HCN1: variants seen among roughly 807,000 people sequenced by gnomAD.
HCN1 encodes potassium/sodium hyperpolarization-activated cyclic nucleotide-gated channel 1.
Under a neutral mutation model 78.9 loss-of-function variants are expected in HCN1, and 13 were observed. The observed-to-expected ratio is 0.16, with a 90% CI of 0.11 to 0.26. HCN1 has a LOEUF of 0.26. Among genes scored for constraint, HCN1 ranks in the 10% least tolerant of loss-of-function variants. HCN1 has a pLI of 1.00. For missense variants in HCN1, 810 were observed against 1,154.3 expected, an observed-to-expected ratio of 0.70 and a Z score of 4.32; for synonymous variants, 552 against 455.5, an observed-to-expected ratio of 1.21 and a Z score of -2.70.
At chr5:45,335,927 G>T (rs1469786451) in intron 5 of HCN1, among the ~76,000 whole-genome samples, 1 of 152,036 alleles carries the variant, frequency 6.6e-6, no homozygotes, top group African/African-American at 2.4e-5. Context: ...GGGCCATCTG[G>T]TAATCGTGAT....
At chr5:45,496,662 G>C (rs1742039146) in intron 2 of HCN1, among the ~76,000 whole-genome samples, 2 of 152,194 alleles carry the variant, frequency 1.3e-5, no homozygotes, top group South Asian at 4.2e-4. Flanking sequence ...CCAGCTCCTG[G>C]ATTCATTAAT....
rs561494922 is a variant in HCN1, at chr5:45,352,089, C to A, written c.1377+1011G>T. Among the ~76,000 whole-genome samples the A allele has an allele frequency of 4.6e-5, 7 of 152,182 alleles. No individual in the cohort carries two copies. The East Asian group carries it at 5.8e-4, about 13-fold the overall frequency. On this transcript the variant is annotated intron_variant, in intron 5 of 7. Coordinates refer to ENST00000303230, the MANE Select transcript of HCN1 (RefSeq NM_021072.4). ...GACAGATGCACACGTATGTTTATTG[C>A]GGCACTATTCCCAATAGCAAAGACT...
At chr5:45,412,031 T>C (rs1406288434) in intron 3 of HCN1, among the ~76,000 whole-genome samples, 1 of 152,028 alleles carries the variant, frequency 6.6e-6, no homozygotes, top group Non-Finnish European at 1.5e-5. Flanking sequence ...CCTCCTCCAA[T>C]GTGGAGGGAA....
At chr5:45,525,734 T>G (rs977735803) in intron 2 of HCN1, among the ~76,000 whole-genome samples, 1 of 152,014 alleles carries the variant, frequency 6.6e-6, no homozygotes, top group African/African-American at 2.4e-5. Context: ...CTACATACAG[T>G]AGAATTTAAG....
At chr5:45,624,247 G>T (rs1745121022) in intron 2 of HCN1, among the ~76,000 whole-genome samples, 1 of 152,164 alleles carries the variant, frequency 6.6e-6, no homozygotes, top group South Asian at 2.1e-4. Context: ...CCTAAGTATG[G>T]CAAGTGTAGA....
intron 3 of HCN1, among the ~76,000 whole-genome samples, chr5:45,427,826 A>T (rs763941887): frequency 1.3e-5 from 2 of 152,104 alleles, no homozygotes; most frequent in Non-Finnish European, 2.9e-5. Flanking sequence ...ACAAGAGAGT[A>T]TTCAGGTCCT....
At chr5:45,611,900 A>C (rs1744845035) in intron 2 of HCN1, among the ~76,000 whole-genome samples, 1 of 152,144 alleles carries the variant, frequency 6.6e-6, no homozygotes, top group Non-Finnish European at 1.5e-5. Flanking sequence ...CTTTGGGAGA[A>C]GTTACACCTC....
chr5:45,430,585 C>T (rs1740442700), intron 3 of HCN1, among the ~76,000 whole-genome samples: 1 of 151,944 alleles, frequency 6.6e-6, no homozygotes, highest in Non-Finnish European at 1.5e-5. Flanking sequence ...AGGATAATGC[C>T]TTGGGCTCCA....
At chr5:45,574,478 G>C (rs1314755824) in intron 2 of HCN1, 1 of 152,046 alleles carries the variant, frequency 6.6e-6, no homozygotes, top group Non-Finnish European at 1.5e-5. Context: ...AGTCAGCTCA[G>C]CTGTTTCTCC....
intron 2 of HCN1, among the ~76,000 whole-genome samples, chr5:45,467,523 C>T (rs1741298995): frequency 6.6e-6 from 1 of 152,024 alleles, no homozygotes; most frequent in Non-Finnish European, 1.5e-5. Flanking sequence ...TCTGATTAAT[C>T]AAAACAGCCA....
intron 5 of HCN1, among the ~76,000 whole-genome samples, chr5:45,317,771 T>G (rs1746027371): frequency 6.6e-6 from 1 of 152,028 alleles, no homozygotes; most frequent in Non-Finnish European, 1.5e-5. Context: ...AACAGACACT[T>G]CTCAAAAGAA....
intron 4 of HCN1, among the ~76,000 whole-genome samples, chr5:45,353,609 G>T (rs1746954445): frequency 6.6e-6 from 1 of 151,912 alleles, no homozygotes; most frequent in Non-Finnish European, 1.5e-5. Flanking sequence ...AAATTGTTTG[G>T]CTGTCGATTT....
chr5:45,521,725 G>T (rs1424003522), intron 2 of HCN1, among the ~76,000 whole-genome samples: 1 of 151,842 alleles, frequency 6.6e-6, no homozygotes, highest in Non-Finnish European at 1.5e-5. Context: ...GCAGGGAGGG[G>T]ATAAAATTAA....
intron 2 of HCN1, among the ~76,000 whole-genome samples, chr5:45,505,293 G>C (rs955384956): frequency 7.9e-5 from 12 of 152,112 alleles, no homozygotes; most frequent in South Asian, 2.1e-4. Context: ...GTGTAAGAAA[G>C]GGATCCAGTT....
At chr5:45,383,318 A>G (rs966465101) in intron 4 of HCN1, among the ~76,000 whole-genome samples, 3 of 152,160 alleles carry the variant, frequency 2.0e-5, no homozygotes, top group Non-Finnish European at 4.4e-5. Flanking sequence ...AATTAGTGTA[A>G]CTTTTTAAAC....
At chr5:45,316,025 A>T (rs1745982910) in intron 5 of HCN1, among the ~76,000 whole-genome samples, 1 of 152,228 alleles carries the variant, frequency 6.6e-6, no homozygotes, top group Non-Finnish European at 1.5e-5. Flanking sequence ...AAACTATTCC[A>T]ATCAATAGAT....
At chr5:45,415,880 A>G (rs1329296086) in intron 3 of HCN1, among the ~76,000 whole-genome samples, 1 of 152,018 alleles carries the variant, frequency 6.6e-6, no homozygotes, top group Non-Finnish European at 1.5e-5. Context: ...ATCTAGGAAA[A>G]ATATTGAACT....
chr5:45,600,835 G>C (rs77465298), intron 2 of HCN1, among the ~76,000 whole-genome samples: 1 of 152,122 alleles, frequency 6.6e-6, no homozygotes, highest in African/African-American at 2.4e-5. Context: ...GAGAAGTTAG[G>C]AAGCACTTCC....
chr5:45,495,317 TC>T (rs1384679044), intron 2 of HCN1, among the ~76,000 whole-genome samples: 6 of 134,562 alleles, frequency 4.5e-5, no homozygotes, highest in Admixed American at 1.6e-4. Flanking sequence ...GTCCTTCACA[TC>T]CCTTGTAAGT....
Sources: gnomAD v4.1 joint callset for allele counts (sites outside exome capture counted in the v4.1 genomes callset) on GRCh38, gnomAD v4.1.1 for gene constraint, MANE v1.5 for transcripts, NCBI Gene and HGNC (gene_info 2026-07-23, HGNC 2026-07-21) for gene names.